ELMO1: variants seen among roughly 807,000 people sequenced by gnomAD.
ELMO1 encodes engulfment and cell motility protein 1.
ELMO1 carries 26 observed loss-of-function variants against 98.9 expected under a neutral mutation model. The observed-to-expected ratio is 0.26, with a 90% CI of 0.19 to 0.36. ELMO1 has a LOEUF of 0.36. ELMO1 is among the 10% of genes least tolerant of loss of function. The pLI is 1.00. For synonymous variants in ELMO1, 346 were observed against 346.0 expected, an observed-to-expected ratio of 1.00 and a Z score of 0.00; for missense variants, 627 against 935.2, an observed-to-expected ratio of 0.67 and a Z score of 4.30.
intron 19 of ELMO1, among the ~76,000 whole-genome samples, chr7:36,876,637 A>G (rs1448657387): frequency 1.3e-5 from 2 of 152,082 alleles, no homozygotes; most frequent in Non-Finnish European, 2.9e-5. Flanking sequence ...AGAAGTTCCT[A>G]GGTGATACTG....
In ELMO1 at chr7:36,899,700, T is replaced by TTTTTTTTTTTTTTTTTA. The variant is rs60221089; in HGVS notation, c.1438-4684_1438-4683insTAAAAAAAAAAAAAAAA. Among the ~76,000 whole-genome samples, 5 of 143,654 alleles carry TTTTTTTTTTTTTTTTTA rather than the reference T, an allele frequency of 3.5e-5. 1 individual carries two copies. The highest frequency in any genetic ancestry group is 2.2e-4 in the South Asian group (1 of 4,502). The allele number at this position is 143,654 out of a possible 152,430, so 94.2% of individuals were successfully genotyped here. A position where few individuals can be genotyped will look rare whatever the true frequency, so the allele number is the denominator to read the frequency against. On this transcript the variant is annotated intron_variant, in intron 16 of 21. Coordinates refer to ENST00000310758, the MANE Select transcript of ELMO1 (RefSeq NM_014800.11). ...TTTACTCATCTTTTTTTTTTTTTTT[T>TTTTTTTTTTTTTTTTTA]ACCACTCCTAAACTAGGAGTACTAA...
chr7:37,249,916 T>TA (rs1483333368), intron 6 of ELMO1, among the ~76,000 whole-genome samples: 2 of 152,082 alleles, frequency 1.3e-5, no homozygotes, highest in South Asian at 4.1e-4. Context: ...TTCGTCTCTA[T>TA]AAAAAATATT....
intron 1 of ELMO1, among the ~76,000 whole-genome samples, chr7:37,397,146 A>C (rs574399122): frequency 7.9e-5 from 12 of 152,366 alleles, no homozygotes; most frequent in Admixed American, 2.0e-4. Flanking sequence ...TATATAGTCA[A>C]CTGAACCTTA....
In ELMO1 at chr7:37,293,766, C is replaced by CA. The variant is rs56775177; in HGVS notation, c.192+21083dup. Among the ~76,000 whole-genome samples, 567 of 100,692 alleles carry CA rather than the reference C, an allele frequency of 5.6e-3. 1 individual carries two copies. The highest frequency in any genetic ancestry group is 0.016 in the Middle Eastern group (2 of 126). 66.1% of individuals were successfully genotyped at this position (100,692 alleles called of 152,430 possible). A position where few individuals can be genotyped will look rare whatever the true frequency, so the allele number is the denominator to read the frequency against. ...AAAAAAAAGAGTGAAACTCTATATC[C>CA]AAAAAAAAAAAAAAAAAAGGAACTG... On this transcript the variant is annotated intron_variant, in intron 4 of 21. Coordinates refer to ENST00000310758, the MANE Select transcript of ELMO1 (RefSeq NM_014800.11).
intron 16 of ELMO1, among the ~76,000 whole-genome samples, chr7:36,928,663 G>A (rs960135697): frequency 3.9e-5 from 6 of 152,230 alleles, no homozygotes; most frequent in South Asian, 4.1e-4. Context: ...GGAGCAGGCC[G>A]AGTAAACTCT....
chr7:37,384,642 C>T (rs1325134794), intron 1 of ELMO1, among the ~76,000 whole-genome samples: 3 of 152,012 alleles, frequency 2.0e-5, no homozygotes, highest in African/African-American at 7.3e-5. Context: ...GTGGCGTGAA[C>T]CCGGGAGGCG....
intron 18 of ELMO1, among the ~76,000 whole-genome samples, chr7:36,884,294 G>A (rs1217568890): frequency 6.7e-6 from 1 of 148,906 alleles, no homozygotes; most frequent in Non-Finnish European, 1.5e-5. Flanking sequence ...TCCAGCCTGG[G>A]TGACAGAGCG....
chr7:37,123,896 C>A (rs929560012), intron 14 of ELMO1, among the ~76,000 whole-genome samples: 1 of 152,204 alleles, frequency 6.6e-6, no homozygotes, highest in Non-Finnish European at 1.5e-5. Flanking sequence ...CAGTAAAATA[C>A]TGGCAAACCG....
intron 13 of ELMO1, among the ~76,000 whole-genome samples, chr7:37,180,807 T>C (rs1489062605): frequency 1.3e-5 from 1 of 78,446 alleles, no homozygotes; most frequent in Non-Finnish European, 2.6e-5. Flanking sequence ...TGCACACACA[T>C]ATGCGCACAC....
At chr7:36,861,550 T>C (rs1802628801) in intron 21 of ELMO1, 109 bp downstream of exon 21, 2 of 1,286,966 alleles carry the variant, frequency 1.6e-6, no homozygotes, top group Non-Finnish European at 2.2e-6. Flanking sequence ...TGCCCCTTGG[T>C]TCATCATTTT....
intron 15 of ELMO1, among the ~76,000 whole-genome samples, chr7:37,045,782 T>C (rs1165327051): frequency 1.3e-5 from 2 of 152,234 alleles, no homozygotes; most frequent in East Asian, 1.9e-4. Context: ...ATTTCTATGA[T>C]GGAAAGTATC....
chr7:37,186,425 G>C (rs144597527), intron 13 of ELMO1, among the ~76,000 whole-genome samples: 9 of 152,006 alleles, frequency 5.9e-5, no homozygotes, highest in African/African-American at 1.9e-4. Context: ...GACACCAAAG[G>C]CATAAGCAAT....
chr7:37,391,278 G>A (rs1435448537), intron 1 of ELMO1, among the ~76,000 whole-genome samples: 11 of 151,898 alleles, frequency 7.2e-5, no homozygotes, highest in South Asian at 2.1e-4. Flanking sequence ...CAACATGTCC[G>A]GCTAATTTTT....
At chr7:36,929,532 C>A (rs376147580) in intron 16 of ELMO1, among the ~76,000 whole-genome samples, 5 of 152,256 alleles carry the variant, frequency 3.3e-5, no homozygotes, top group South Asian at 4.1e-4. Flanking sequence ...GGCAACATGC[C>A]ACCCTCCAAA....
intron 1 of ELMO1, among the ~76,000 whole-genome samples, chr7:37,372,655 C>A (rs768379892): frequency 6.6e-6 from 1 of 152,184 alleles, no homozygotes; most frequent in Non-Finnish European, 1.5e-5. Flanking sequence ...CCAGGGCTAA[C>A]AGAAACATAT....
At chr7:36,918,758 T>A (rs907678594) in intron 16 of ELMO1, among the ~76,000 whole-genome samples, 2 of 152,218 alleles carry the variant, frequency 1.3e-5, no homozygotes, top group African/African-American at 4.8e-5. Context: ...CAAAAAGAAA[T>A]ACATTTCAAA....
chr7:37,278,255 T>A (rs903712387), intron 4 of ELMO1, among the ~76,000 whole-genome samples: 2 of 151,974 alleles, frequency 1.3e-5, no homozygotes, highest in Admixed American at 1.3e-4. Flanking sequence ...ATTTTGTATA[T>A]GTGATGAAAG....
At chr7:37,033,188 G>A (rs893070266) in intron 15 of ELMO1, among the ~76,000 whole-genome samples, 14 of 152,152 alleles carry the variant, frequency 9.2e-5, no homozygotes, top group African/African-American at 3.4e-4. Context: ...AGACACTTCT[G>A]TGTGCAGTTC....
At chr7:36,887,438 T>C (rs1321801118) in intron 18 of ELMO1, 122 bp downstream of exon 18, 2 of 800,716 alleles carry the variant, frequency 2.5e-6, no homozygotes, top group African/African-American at 1.7e-5. Context: ...TGGACTGCTA[T>C]TCCTGTCCTG....
Sources: gnomAD v4.1 joint callset for allele counts (sites outside exome capture counted in the v4.1 genomes callset) on GRCh38, gnomAD v4.1.1 for gene constraint, MANE v1.5 for transcripts, NCBI Gene and HGNC (gene_info 2026-07-23, HGNC 2026-07-21) for gene names.